Variants in CCHCR1 observed in about 807,000 individuals in gnomAD.
CCHCR1 encodes coiled-coil alpha-helical rod protein 1.
Under a neutral mutation model 114.6 loss-of-function variants are expected in CCHCR1, and 91 were observed. That is an observed-to-expected ratio of 0.79 (90% CI 0.67 to 0.94). CCHCR1 has a LOEUF of 0.94. Ranked by LOEUF, CCHCR1 falls within the 40% of genes least tolerant of loss-of-function variation. The pLI is 0.00. For synonymous variants in CCHCR1, 379 were observed against 428.5 expected (o/e 0.88, Z 1.43); for missense variants, 899 against 1,079.9 (o/e 0.83, Z 2.35).
In CCHCR1 at chr6:31,152,146, T is replaced by C. The variant is rs60009106; in HGVS notation, c.802-1024A>G. Among the ~76,000 whole-genome samples the C allele has an allele frequency of 8.4e-3, 1,271 of 151,852 alleles. 37 individuals are homozygous for C. The East Asian group carries it at 0.089, about 11-fold the overall frequency. On this transcript the variant is annotated intron_variant, in intron 4 of 17. Transcript: ENST00000396268. ...CCCGTCTCTATTAAAATACAAAAAA[T>C]TAGCTGGGCGTGGTGGCGGGCGCCT...
chr6:31,153,626 C>G (rs1239600847), intron 4 of CCHCR1, among the ~76,000 whole-genome samples: 1 of 152,104 alleles, frequency 6.6e-6, no homozygotes, highest in Non-Finnish European at 1.5e-5. Context: ...GTCGCCCAGG[C>G]TGGAGTGCAA....
At position 31,144,733 on chromosome 6, in the gene CCHCR1, G is replaced by A. The variant is rs1581901647; in HGVS notation, c.2121C>T (p.Asp707=). ...VETRLREQLS[D]TERRLNEARR... is the part of the protein sequence containing the mutation. ...GAGCCTCGTTCAGCCTCCTCTCTGT[G>A]TCTGAGAGTTGCTCCCGCAGCCGAG... Residue 707 remains aspartate (D), a synonymous_variant, in exon 15 of 18, where the codon GAC becomes GAT. Transcript: ENST00000396268. The surrounding 1 kb of genome is among the most constrained non-coding windows in gnomAD (Gnocchi z 4.6). The A allele has an allele frequency of 7.4e-6, 12 of 1,613,800 alleles. No homozygotes were observed. Among genetic ancestry groups the A allele is most frequent in the Non-Finnish European group, 1.0e-5 (12 of 1,179,858 alleles).
chr6:31,144,400 G>C lies in CCHCR1; in HGVS notation c.2167+287C>G. On this transcript the variant is annotated intron_variant, in intron 15 of 17. Transcript: ENST00000396268. The surrounding 1 kb of genome is among the most constrained non-coding windows in gnomAD (Gnocchi z 4.6). ...AGTCGAGACAGGGTTTCGCCATGTT[G>C]TCCAGGCTGGCCTCAAACTCCTGAC... is the stretch of plus-strand genomic sequence containing the variant. 1 of 343,948 alleles carries C rather than the reference G, an allele frequency of 2.9e-6. No homozygotes were observed. The highest frequency in any genetic ancestry group is 4.8e-5 in the East Asian group (1 of 20,974). The allele number at this position is 343,948 out of a possible 1,614,324, so 21.3% of individuals were successfully genotyped here. A position where few individuals can be genotyped will look rare whatever the true frequency, so the allele number is the denominator to read the frequency against.
At chr6:31,157,242 C>T (rs941885744) in intron 1 of CCHCR1, 143 bp downstream of exon 1, 9 of 989,240 alleles carry the variant, frequency 9.1e-6, no homozygotes, top group Admixed American at 2.0e-5. Flanking sequence ...GTAGGAGATA[C>T]CCCAAATTCA....
chr6:31,149,952 CTG>C (rs138626273), intron 8 of CCHCR1, 112 bp downstream of exon 8: 13,700 of 1,151,396 alleles, frequency 0.012, 199 homozygotes, highest in East Asian at 0.068. Context: ...TTGTTCAGGG[CTG>C]TGTGCCCAGC....
intron 4 of CCHCR1, among the ~76,000 whole-genome samples, chr6:31,152,934 C>A (rs55898325): frequency 0.067 from 10,148 of 152,244 alleles, 363 homozygotes; most frequent in South Asian, 0.12. Flanking sequence ...CAAGTGTCTT[C>A]CAGCTACCAC....
chr6:31,155,639 T>C (rs9263781), intron 3 of CCHCR1, among the ~76,000 whole-genome samples: 21,191 of 149,680 alleles, frequency 0.14, 1,652 homozygotes, highest in Non-Finnish European at 0.16. Context: ...AGGTATACTT[T>C]ATGAGGAGTC....
chr6:31,148,809 G>C (rs1774745697), intron 8 of CCHCR1, 81 bp from the exon 9 acceptor site: 2 of 452,184 alleles, frequency 4.4e-6, no homozygotes, highest in African/African-American at 4.4e-5. Context: ...GGCAGGTGCA[G>C]AGATCTCTGT....
At position 31,144,496 on chromosome 6, in the gene CCHCR1, T is replaced by C. The variant is rs1204988941; in HGVS notation, c.2167+191A>G. On this transcript the variant is annotated intron_variant, in intron 15 of 17. Coordinates refer to ENST00000396268, the MANE Select transcript of CCHCR1 (RefSeq NM_001105564.2). This position sits in a 1 kb window ranked among gnomAD's most constrained non-coding sequence, Gnocchi z 4.6. ...AGGCATAAGCCACCGCGACCGGCCA[T>C]ATGCTGTTTCTTAATCTGGTGCTGG... 5.2e-6 allele frequency: 3 copies of C among 575,426 alleles called. No individual in the cohort carries two copies. The highest frequency in any genetic ancestry group is 2.9e-5 in the East Asian group (1 of 34,992). The allele number at this position is 575,426 out of a possible 1,614,324, so 35.6% of individuals were successfully genotyped here. A position where few individuals can be genotyped will look rare whatever the true frequency, so the allele number is the denominator to read the frequency against.
chr6:31,152,295 A>AAC (rs1554127612), intron 4 of CCHCR1, among the ~76,000 whole-genome samples: 1 of 151,844 alleles, frequency 6.6e-6, no homozygotes, highest in Non-Finnish European at 1.5e-5. Context: ...AAAAAAAAAA[A>AAC]AACAACCTTT....
In CCHCR1 at chr6:31,156,947, G is replaced by C; in HGVS notation, c.284-3C>G. The C allele has an allele frequency of 6.2e-7, 1 of 1,612,776 alleles. No homozygotes were observed. The highest frequency in any genetic ancestry group is 8.5e-7 in the Non-Finnish European group (1 of 1,179,918). On this transcript the variant is annotated splice_region_variant and splice_polypyrimidine_tract_variant and intron_variant, in intron 2 of 17. Coordinates refer to ENST00000396268, the MANE Select transcript of CCHCR1 (RefSeq NM_001105564.2). Reference sequence around the variant, plus strand: ...GGGGGGAATCAGCCCAGTGGAACCTGAAGAATTACAAAAACAAAGATGGTC... The same window carrying C: ...GGGGGGAATCAGCCCAGTGGAACCTCAAGAATTACAAAAACAAAGATGGTC...
chr6:31,150,398 G>A lies in CCHCR1; in HGVS notation c.1212+57C>T. 3.4e-6 allele frequency: 5 copies of A among 1,478,044 alleles called. No homozygotes were observed. The allele number at this position is 1,478,044 out of a possible 1,614,324, so 91.6% of individuals were successfully genotyped here. On this transcript the variant is annotated intron_variant, in intron 7 of 17. Transcript: ENST00000396268. The surrounding 1 kb of genome is among the most constrained non-coding windows in gnomAD (Gnocchi z 5.3). ...CCTCCTGCCCACAGGGAGGGAGGCA[G>A]GGGACAGTAGATGCAGGATGCGGCT...
Position 31,154,783 on chromosome 6 carries a change from C to T in CCHCR1, c.514G>A (p.Gly172Arg). The T allele has an allele frequency of 6.2e-7, 1 of 1,603,774 alleles. No individual in the cohort carries two copies. The highest frequency in any genetic ancestry group is 8.5e-7 in the Non-Finnish European group (1 of 1,179,446). Residue 172 changes from glycine to arginine, a missense_variant, in exon 4 of 18, where the codon GGG (glycine) becomes AGG (arginine). Gly to Arg is a moderately radical substitution (Grantham distance 125, BLOSUM62 -2). Coordinates refer to ENST00000396268, the MANE Select transcript of CCHCR1 (RefSeq NM_001105564.2). The surrounding 1 kb of genome is among the most constrained non-coding windows in gnomAD (Gnocchi z 4.1). The stretch of plus-strand genomic sequence containing the variant: ...GCCTGCTGGCTCAGGGCCTGTGACC[C>T]CTCCAGCCCCCAGGACCTTCAAAGA... ...GRRGRSWGLE[G>R]SQALSQQAEV...
At chr6:31,145,376 T>G in intron 12 of CCHCR1, 72 bp downstream of exon 12, 1 of 1,612,132 alleles carries the variant, frequency 6.2e-7, no homozygotes, top group East Asian at 2.2e-5. Context: ...CCCACCTCAG[T>G]CCTCATGGTT....
rs12529697 is a variant in CCHCR1 at position 31,157,630 on chromosome 6, G to A, written c.-30C>T. Reference sequence around the variant, plus strand: ...GGCTAGACCCTCCCCAAGACCTTGGGAATCCAGGCCGCCTAGATCCCCAGG... The same window carrying A: ...GGCTAGACCCTCCCCAAGACCTTGGAAATCCAGGCCGCCTAGATCCCCAGG... On this transcript the variant is annotated 5_prime_UTR_variant, in exon 1 of 18. Transcript: ENST00000396268. The A allele has an allele frequency of 0.074, 116,511 of 1,569,462 alleles. 4,941 individuals are homozygous for A. The highest frequency in any genetic ancestry group is 0.14 in the South Asian group (12,356 of 88,060).
rs745917011 is a variant in CCHCR1 at position 31,150,545 on chromosome 6, G to C, written c.1122C>G (p.Asp374Glu). The C allele has an allele frequency of 5.6e-6, 9 of 1,611,894 alleles. No homozygotes were observed. The highest frequency in any genetic ancestry group is 6.8e-6 in the Non-Finnish European group (8 of 1,179,818). ...GCAGCTCCGCGGTGGCATGCAGGCT[G>C]TCCCGGTCCTCCTGCAAGTGCTGCG... ...ETMQHLQEDR[D>E]SLHATAELLQ... The change falls in exon 7 of 18, where the codon GAC becomes GAG. Residue 374 changes from aspartate to glutamate, a missense_variant. Coordinates refer to ENST00000396268, the MANE Select transcript of CCHCR1 (RefSeq NM_001105564.2). This position sits in a 1 kb window ranked among gnomAD's most constrained non-coding sequence, Gnocchi z 5.3.
chr6:31,150,692 A>C lies in CCHCR1; in HGVS notation c.1101+33T>G. 1.2e-6 allele frequency: 2 copies of C among 1,607,326 alleles called. No homozygotes were observed. The highest frequency in any genetic ancestry group is 1.7e-6 in the Non-Finnish European group (2 of 1,176,788). ...CGCTTGCCTCCCAACCTGATCCCTA[A>C]GTCTGCACACAGATACATTCCTGCA... is the stretch of plus-strand genomic sequence containing the variant. On this transcript the variant is annotated intron_variant, in intron 6 of 17. Coordinates refer to ENST00000396268, the MANE Select transcript of CCHCR1 (RefSeq NM_001105564.2). This position sits in a 1 kb window ranked among gnomAD's most constrained non-coding sequence, Gnocchi z 5.3.
Position 31,145,765 on chromosome 6 carries a change from C to T in CCHCR1, c.1624G>A (p.Ala542Thr). 1 of 1,613,138 alleles carries T rather than the reference C, an allele frequency of 6.2e-7. No individual in the cohort carries two copies. Among genetic ancestry groups the T allele is most frequent in the Non-Finnish European group, 8.5e-7 (1 of 1,179,990 alleles). ...LETTMAKVEG[A>T]AAQLPSLNNR... is the part of the protein sequence containing the mutation. ...TTGAGGCTGGGAAGCTGGGCGGCAG[C>T]CCCTTCCACCTTAGCCATGGTGGTC... Residue 542 changes from alanine (A) to threonine (T), a missense_variant, in exon 11 of 18, where the codon GCT becomes ACT. By Grantham distance (58) the Ala-to-Thr change is moderately conservative (BLOSUM62 0). Coordinates refer to ENST00000396268, the MANE Select transcript of CCHCR1 (RefSeq NM_001105564.2).
intron 11 of CCHCR1, 86 bp from the exon 12 acceptor site, chr6:31,145,579 G>GGACTGGT (rs1433298829): frequency 1.4e-4 from 211 of 1,478,226 alleles, no homozygotes; most frequent in Non-Finnish European, 1.9e-4. Context: ...AGAGATGCAA[G>GGACTGGT]GACTGGTGAA....
Sources: allele counts gnomAD v4.1 joint callset (sites outside exome capture counted in the v4.1 genomes callset), GRCh38; gene constraint gnomAD v4.1.1; non-coding constraint Gnocchi (gnomAD v3.1); transcripts MANE v1.5; gene names NCBI Gene and HGNC (gene_info 2026-07-23, HGNC 2026-07-21).